The following SLC45A4 variants were observed in gnomAD, a reference collection of about 807,000 sequenced individuals.
SLC45A4 encodes the protein solute carrier family 45 member 4.
SLC45A4 carries 32 observed loss-of-function variants against 63.7 expected under a neutral mutation model. The ratio of observed to expected loss-of-function variants is 0.50; its 90% confidence interval spans 0.38 to 0.67. The LOEUF (loss-of-function observed/expected upper bound fraction) is 0.67, where lower values mean the gene tolerates loss of function less well. Among genes scored for constraint, SLC45A4 ranks in the 30% least tolerant of loss-of-function variants. The pLI is 0.00. For missense variants in SLC45A4, 1,027 were observed against 1,157.7 expected, an observed-to-expected ratio of 0.89 and a Z score of 1.64; for synonymous variants, 535 against 510.0, an observed-to-expected ratio of 1.05 and a Z score of -0.66.
At chr8:141,304,931 G>A (rs753776983) in intron 1 of SLC45A4, among the ~76,000 whole-genome samples, 59 of 152,258 alleles carry the variant, frequency 3.9e-4, no homozygotes, top group Non-Finnish European at 7.8e-4. Context: ...AGGCCACTTC[G>A]TAAACACTAT....
At chr8:141,307,895 G>T (rs1182617858) in intron 1 of SLC45A4, among the ~76,000 whole-genome samples, 1 of 150,864 alleles carries the variant, frequency 6.6e-6, no homozygotes, top group Non-Finnish European at 1.5e-5. Flanking sequence ...GGAATTGGGG[G>T]GCCCTGAGGA....
intron 1 of SLC45A4, among the ~76,000 whole-genome samples, chr8:141,274,534 C>CAAAAAAAAA (rs35503591): frequency 2.1e-5 from 2 of 94,074 alleles, no homozygotes; most frequent in African/African-American, 4.4e-5. Flanking sequence ...AACTCGGTCT[C>CAAAAAAAAA]AAAAAAAAAA....
At chr8:141,253,327 C>G (rs1379861018) in intron 2 of SLC45A4, 1 of 196,386 alleles carries the variant, frequency 5.1e-6, no homozygotes, top group Non-Finnish European at 1.1e-5. Flanking sequence ...TCATGCCCAC[C>G]TGTGCGTCTG....
At chr8:141,274,261 T>TG (rs1353502372) in intron 1 of SLC45A4, among the ~76,000 whole-genome samples, 5 of 151,160 alleles carry the variant, frequency 3.3e-5, no homozygotes. Context: ...GGGCCAGGTG[T>TG]GGTAGCTCAC....
At position 141,218,947 on chromosome 8, in the gene SLC45A4, G is replaced by C. The variant is rs773504878; in HGVS notation, c.693C>G (p.Asn231Lys). 2 of 1,613,704 alleles carry C rather than the reference G, an allele frequency of 1.2e-6. No individual in the cohort carries two copies. Among genetic ancestry groups the C allele is most frequent in the East Asian group, 4.5e-5 (2 of 44,864 alleles). Residue 231 changes from asparagine (N) to lysine (K), a missense_variant, in exon 5 of 9, where the codon AAC becomes AAG. Physicochemically the swap from Asn to Lys is moderately conservative, Grantham distance 94. Coordinates refer to ENST00000517878, the MANE Select transcript of SLC45A4 (RefSeq NM_001286646.2). ...TFLGSWFRTQ[N>K]QVLFFFAAII... ...TGGCGGCAAAGAAGAAGAGCACCTG[G>C]TTCTGGGTCCGGAACCAGCTGCCCA...
intron 1 of SLC45A4, among the ~76,000 whole-genome samples, chr8:141,282,131 G>A (rs1467416663): frequency 6.6e-6 from 1 of 152,192 alleles, no homozygotes; most frequent in African/African-American, 2.4e-5. Flanking sequence ...CAGAAATACA[G>A]GCAGGCCCGG....
intron 1 of SLC45A4, among the ~76,000 whole-genome samples, chr8:141,265,572 G>A (rs1019607425): frequency 8.5e-5 from 13 of 152,204 alleles, no homozygotes; most frequent in African/African-American, 2.9e-4. Context: ...CTGAAAAAAG[G>A]AAAATGATTC....
intron 1 of SLC45A4, among the ~76,000 whole-genome samples, chr8:141,294,275 C>A: frequency 6.6e-6 from 1 of 152,218 alleles, no homozygotes; most frequent in Non-Finnish European, 1.5e-5. Context: ...GGTGGCTGGA[C>A]AGAAGCAGGT....
chr8:141,251,280 C>T lies in SLC45A4; in HGVS notation c.241+2709G>A, dbSNP rs779937750. Among the ~76,000 whole-genome samples the T allele has an allele frequency of 2.6e-5, 4 of 152,072 alleles. No individual in the cohort carries two copies. The East Asian group carries it at 7.7e-4, about 29-fold the overall frequency. On this transcript the variant is annotated intron_variant, in intron 2 of 8. Transcript: ENST00000517878. Reference sequence around the variant, plus strand: ...CTTCCCCCTGGCTAAGGTCTAGTCGCGAAAGTGGTTCTTCAGTTCCACGAA... The same window carrying T: ...CTTCCCCCTGGCTAAGGTCTAGTCGTGAAAGTGGTTCTTCAGTTCCACGAA...
chr8:141,269,119 G>A (rs954940038), intron 1 of SLC45A4, among the ~76,000 whole-genome samples: 1 of 152,174 alleles, frequency 6.6e-6, no homozygotes, highest in Non-Finnish European at 1.5e-5. Context: ...TATAGGGAGC[G>A]CCACGAGCTC....
At position 141,221,632 on chromosome 8, in the gene SLC45A4, G is replaced by A. The variant is rs146246063; in HGVS notation, c.375C>T (p.Ala125=). The A allele has an allele frequency of 3.7e-6, 6 of 1,613,952 alleles. 1 individual carries two copies. The South Asian group carries it at 5.5e-5, about 15-fold the overall frequency. The change falls in exon 3 of 9, where the codon GCC becomes GCT. Residue 125 remains alanine (A), a synonymous_variant. Coordinates refer to ENST00000517878, the MANE Select transcript of SLC45A4 (RefSeq NM_001286646.2). ...SWGRRRPFIL[A]LCVGVLFGVA... ...CGCCAAAGAGGACGCCAACGCAGAG[G>A]GCGAGGATGAAGGGCCGCCGGCGGC... is the stretch of plus-strand genomic sequence containing the variant.
chr8:141,278,715 C>T lies in SLC45A4; in HGVS notation c.-400-24086G>A, dbSNP rs566137881. Among the ~76,000 whole-genome samples, 1 of 152,366 alleles carries T rather than the reference C, an allele frequency of 6.6e-6. No individual in the cohort carries two copies. Among genetic ancestry groups the T allele is most frequent in the South Asian group, 2.1e-4 (1 of 4,830 alleles). On this transcript the variant is annotated intron_variant, in intron 1 of 8. Coordinates refer to ENST00000517878, the MANE Select transcript of SLC45A4 (RefSeq NM_001286646.2). This position sits in a 1 kb window ranked among gnomAD's most constrained non-coding sequence, Gnocchi z 4.1. ...GAGCAGAAAAATGCAATGCAATCAG[C>T]TGACCAGAGAGGAAGCTGGGCTCCT...
At position 141,227,840 on chromosome 8, in the gene SLC45A4, C is replaced by A. The variant is rs529276881; in HGVS notation, c.242-6075G>T. On this transcript the variant is annotated intron_variant, in intron 2 of 8. Coordinates refer to ENST00000517878, the MANE Select transcript of SLC45A4 (RefSeq NM_001286646.2). This position sits in a 1 kb window ranked among gnomAD's most constrained non-coding sequence, Gnocchi z 4.4. ...ATTTAGGGTGGAGGGGACAGCAGCA[C>A]CTTGAGTGTTCTCACATGTGCCGCC... 5.4e-4 allele frequency among the ~76,000 whole-genome samples: 82 copies of A among 152,220 alleles called. No individual in the cohort carries two copies. The highest frequency in any genetic ancestry group is 9.3e-4 in the Non-Finnish European group (63 of 68,036).
chr8:141,216,987 G>T, intron 6 of SLC45A4, 103 bp downstream of exon 6: 1 of 1,190,372 alleles, frequency 8.4e-7, no homozygotes, highest in Non-Finnish European at 1.2e-6. Flanking sequence ...AAGTCAGTGC[G>T]ACTGATGGCC....
rs990137959 is a variant in SLC45A4 at position 141,254,609 on chromosome 8, C to T, written c.-380G>A. 1 of 701,248 alleles carries T rather than the reference C, an allele frequency of 1.4e-6. No individual in the cohort carries two copies. The highest frequency in any genetic ancestry group is 2.6e-6 in the Non-Finnish European group (1 of 384,268). 43.4% of individuals were successfully genotyped at this position (701,248 alleles called of 1,614,324 possible). ...ACAAACAGGTGGTCCGCTGGTAATC[C>T]CCATCGAGTGACTGGATGATCTGCA... On this transcript the variant is annotated 5_prime_UTR_variant, in exon 2 of 9. Coordinates refer to ENST00000517878, the MANE Select transcript of SLC45A4 (RefSeq NM_001286646.2). This position sits in a 1 kb window ranked among gnomAD's most constrained non-coding sequence, Gnocchi z 4.5.
intron 8 of SLC45A4, 106 bp downstream of exon 8, chr8:141,212,091 G>A: frequency 1.4e-6 from 2 of 1,423,714 alleles, no homozygotes; most frequent in Non-Finnish European, 1.8e-6. Flanking sequence ...CACAGCATCT[G>A]CAGGGTTCCG....
In SLC45A4 at chr8:141,218,403, G is replaced by C. The variant is rs764420473; in HGVS notation, c.1237C>G (p.Arg413Gly). ...CTGCGGAACGCGTGCCGCCGCCGCC[G>C]CATGGAGCTCGACGTGGCCGAGGGC... is the stretch of plus-strand genomic sequence containing the variant. Reference protein sequence around the residue: ...TKPSATSSSMRRRRHAFRRQA... With the variant: ...TKPSATSSSMGRRRHAFRRQA... The change falls in exon 5 of 9, where the codon CGG becomes GGG. Residue 413 changes from arginine to glycine, a missense_variant. Physicochemically the swap from Arg to Gly is moderately radical, Grantham distance 125. Coordinates refer to ENST00000517878, the MANE Select transcript of SLC45A4 (RefSeq NM_001286646.2). The C allele has an allele frequency of 6.2e-7, 1 of 1,609,806 alleles. No individual in the cohort carries two copies.
intron 1 of SLC45A4, among the ~76,000 whole-genome samples, chr8:141,281,858 A>G (rs1300951877): frequency 6.6e-6 from 1 of 152,188 alleles, no homozygotes; most frequent in African/African-American, 2.4e-5. Context: ...ACCTTAGGTT[A>G]ATAAGTGTTT....
intron 2 of SLC45A4, among the ~76,000 whole-genome samples, chr8:141,223,152 T>C (rs1826757285): frequency 1.3e-5 from 2 of 152,234 alleles, no homozygotes; most frequent in Admixed American, 6.5e-5. Context: ...GCTAATGTGC[T>C]CACTAAAACA....
Sources: gnomAD v4.1 joint callset for allele counts (sites outside exome capture counted in the v4.1 genomes callset) on GRCh38, gnomAD v4.1.1 for gene constraint, Gnocchi (gnomAD v3.1) non-coding constraint, MANE v1.5 for transcripts, NCBI Gene and HGNC (gene_info 2026-07-23, HGNC 2026-07-21) for gene names.